BICD1: variants seen among roughly 807,000 people sequenced by gnomAD.
BICD1 encodes the protein BICD cargo adaptor 1, also known as protein bicaudal D homolog 1.
BICD1 carries 35 observed loss-of-function variants against 92.5 expected under a neutral mutation model. The observed-to-expected ratio is 0.38, with a 90% confidence interval of 0.29 to 0.50. BICD1 has a LOEUF of 0.50. Among genes scored for constraint, BICD1 ranks in the 20% least tolerant of loss-of-function variants. The probability of loss-of-function intolerance (pLI) is 0.93; values close to 1 mark genes in which losing one functional copy is unlikely to be tolerated. For synonymous variants in BICD1, 429 were observed against 465.1 expected (o/e 0.92, Z 1.00); for missense variants, 950 against 1,189.8 (o/e 0.80, Z 2.97).
rs144690164 is a variant in BICD1 at position 32,120,867 on chromosome 12, TAGAGAG to T, written c.213+13347_213+13352del. Reference sequence around the variant, plus strand: ...AAATATAGGAAGGAAAATCAACCATTAGAGAGAGAGAGAGAGAGAGAGAGAGAGAAA... The same window carrying T: ...AAATATAGGAAGGAAAATCAACCATTAGAGAGAGAGAGAGAGAGAGAGAAA... On this transcript the variant is annotated intron_variant, in intron 1 of 9. Transcript: ENST00000652176. Among the ~76,000 whole-genome samples, 432 of 83,462 alleles carry T rather than the reference TAGAGAG, an allele frequency of 5.2e-3. 2 individuals are homozygous for T. Among genetic ancestry groups the T allele is most frequent in the African/African-American group, 8.4e-3 (140 of 16,668 alleles). The allele number at this position is 83,462 out of a possible 152,430, so 54.8% of individuals were successfully genotyped here. A position where few individuals can be genotyped will look rare whatever the true frequency, so the allele number is the denominator to read the frequency against.
At chr12:32,217,750 C>G (rs1412512765) in intron 2 of BICD1, among the ~76,000 whole-genome samples, 1 of 152,186 alleles carries the variant, frequency 6.6e-6, no homozygotes, top group Non-Finnish European at 1.5e-5. Flanking sequence ...CAGGGTGTCA[C>G]TCTATTGCCC....
intron 2 of BICD1, among the ~76,000 whole-genome samples, chr12:32,268,355 A>G (rs1947053506): frequency 6.6e-6 from 1 of 152,154 alleles, no homozygotes. Context: ...CAGATGTGCA[A>G]CTTCTCTCGG....
chr12:32,128,905 C>T (rs1257389674), intron 1 of BICD1, among the ~76,000 whole-genome samples: 2 of 151,752 alleles, frequency 1.3e-5, no homozygotes, highest in African/African-American at 2.4e-5. Context: ...TACAAGTAGC[C>T]GGGACTACAG....
intron 1 of BICD1, among the ~76,000 whole-genome samples, chr12:32,122,624 ATAAG>A (rs1175152681): frequency 6.6e-6 from 1 of 152,192 alleles, no homozygotes; most frequent in Non-Finnish European, 1.5e-5. Flanking sequence ...TTGTGGCATA[ATAAG>A]TAATATATTT....
chr12:32,217,739 A>T (rs1945401374), intron 2 of BICD1, among the ~76,000 whole-genome samples: 1 of 152,190 alleles, frequency 6.6e-6, no homozygotes, highest in Non-Finnish European at 1.5e-5. Context: ...TCTTTCTGAG[A>T]CAGGGTGTCA....
In BICD1 at chr12:32,253,173, G is replaced by A. The variant is rs147294195; in HGVS notation, c.426+36714G>A. ...GTTGGGATTACAGGTGTGAGTCATCGTGCCCAGCCAGCATCTTACTATGTT... is the reference window on the plus strand; with the variant it reads ...GTTGGGATTACAGGTGTGAGTCATCATGCCCAGCCAGCATCTTACTATGTT... On this transcript the variant is annotated intron_variant, in intron 2 of 9. Coordinates refer to ENST00000652176, the MANE Select transcript of BICD1 (RefSeq NM_001714.4). Among the ~76,000 whole-genome samples the A allele has an allele frequency of 2.5e-3, 385 of 152,280 alleles. 3 individuals carry two copies. Among genetic ancestry groups the A allele is most frequent in the African/African-American group, 8.4e-3 (350 of 41,548 alleles).
intron 5 of BICD1, chr12:32,332,692 C>A: frequency 2.9e-6 from 1 of 344,876 alleles, no homozygotes; most frequent in Non-Finnish European, 4.1e-6. Context: ...GCGGAAAAGA[C>A]TTCACAGAAG....
chr12:32,322,341 CTT>C lies in BICD1; in HGVS notation c.1006-5114_1006-5113del, dbSNP rs541217794. Reference sequence around the variant, plus strand: ...AGTACTGTATAGCAGCAGTCCCCAACTTTTTTTGGACCAGTGATCTGTTTCAT... The same window carrying C: ...AGTACTGTATAGCAGCAGTCCCCAACTTTTTGGACCAGTGATCTGTTTCAT... On this transcript the variant is annotated intron_variant, in intron 4 of 9. Transcript: ENST00000652176. Among the ~76,000 whole-genome samples the C allele has an allele frequency of 1.5e-3, 227 of 152,266 alleles. 1 individual carries two copies. The highest frequency in any genetic ancestry group is 3.4e-3 in the Middle Eastern group (1 of 294).
intron 1 of BICD1, among the ~76,000 whole-genome samples, chr12:32,159,465 G>T (rs1183724220): frequency 6.6e-6 from 1 of 152,094 alleles, no homozygotes; most frequent in Non-Finnish European, 1.5e-5. Flanking sequence ...CACATCCCAG[G>T]ACCCCTTTCA....
chr12:32,269,699 T>G (rs1194992445), intron 2 of BICD1, among the ~76,000 whole-genome samples: 2 of 152,244 alleles, frequency 1.3e-5, no homozygotes, highest in African/African-American at 4.8e-5. Flanking sequence ...GCTGAGACAC[T>G]GGTCGATCAC....
intron 9 of BICD1, among the ~76,000 whole-genome samples, chr12:32,370,292 G>C (rs1328911256): frequency 6.6e-6 from 1 of 151,924 alleles, no homozygotes; most frequent in Non-Finnish European, 1.5e-5. Flanking sequence ...ACTTGAACCT[G>C]GGAGGCGGAG....
chr12:32,350,912 T>A (rs1268603129), intron 8 of BICD1, among the ~76,000 whole-genome samples: 1 of 152,216 alleles, frequency 6.6e-6, no homozygotes, highest in Non-Finnish European at 1.5e-5. Context: ...ATACTCTCCA[T>A]ACCACAAATT....
At chr12:32,333,716 C>T (rs1235789548) in intron 5 of BICD1, among the ~76,000 whole-genome samples, 1 of 152,196 alleles carries the variant, frequency 6.6e-6, no homozygotes, top group South Asian at 2.1e-4. Flanking sequence ...CCTAAGTATA[C>T]ACTGATTTTA....
chr12:32,177,448 T>G (rs868529683), intron 1 of BICD1, among the ~76,000 whole-genome samples: 55 of 151,674 alleles, frequency 3.6e-4, no homozygotes, highest in African/African-American at 1.1e-3. Context: ...GGACTTTTTT[T>G]TTTTTTAAAG....
intron 1 of BICD1, among the ~76,000 whole-genome samples, chr12:32,119,295 G>C (rs1450758791): frequency 6.6e-6 from 1 of 152,208 alleles, no homozygotes; most frequent in Non-Finnish European, 1.5e-5. Flanking sequence ...CATTGGAAAT[G>C]TTTGAGCAGA....
intron 2 of BICD1, among the ~76,000 whole-genome samples, chr12:32,293,378 C>A (rs776680049): frequency 4.6e-5 from 7 of 152,046 alleles, no homozygotes; most frequent in Non-Finnish European, 1.0e-4. Context: ...AGTGAAGTGG[C>A]CTGATCTCGG....
intron 1 of BICD1, among the ~76,000 whole-genome samples, chr12:32,131,804 C>G (rs1036174936): frequency 6.6e-6 from 1 of 152,168 alleles, no homozygotes; most frequent in African/African-American, 2.4e-5. Context: ...TTGTTAGGTG[C>G]CAGGGTACAA....
chr12:32,286,898 G>A (rs1008829844), intron 2 of BICD1, among the ~76,000 whole-genome samples: 1 of 152,150 alleles, frequency 6.6e-6, no homozygotes, highest in African/African-American at 2.4e-5. Flanking sequence ...AAAGTAAGTA[G>A]CCAGTTTCAA....
At chr12:32,226,194 G>T (rs2121576148) in intron 2 of BICD1, among the ~76,000 whole-genome samples, 1 of 152,242 alleles carries the variant, frequency 6.6e-6, no homozygotes, top group Admixed American at 6.5e-5. Flanking sequence ...GAATGTAGTG[G>T]CATGATCTCG....
Sources: gnomAD v4.1 joint callset for allele counts (sites outside exome capture counted in the v4.1 genomes callset) on GRCh38, gnomAD v4.1.1 for gene constraint, MANE v1.5 for transcripts, NCBI Gene and HGNC (gene_info 2026-07-23, HGNC 2026-07-21) for gene names.